The following SLIT2 variants were observed in gnomAD, a reference collection of about 807,000 sequenced individuals.
SLIT2 encodes slit homolog 2 protein.
In SLIT2, 41 loss-of-function variants were observed where a neutral mutation model predicts 185.7. The observed-to-expected ratio is 0.22, with a 90% CI of 0.17 to 0.29. The LOEUF is 0.29. Ranked by LOEUF, SLIT2 falls within the 10% of genes least tolerant of loss-of-function variation. SLIT2 has a pLI of 1.00. For synonymous variants in SLIT2, 693 were observed against 680.2 expected (o/e 1.02, Z -0.29); for missense variants, 1,571 against 1,909.0 (o/e 0.82, Z 3.30).
chr4:20,454,119 A>G (rs908249918), intron 4 of SLIT2, among the ~76,000 whole-genome samples: 4 of 152,196 alleles, frequency 2.6e-5, no homozygotes, highest in Non-Finnish European at 1.5e-5. Context: ...AAGGATAGAA[A>G]GCATTGATGG....
rs374464217 is a variant in SLIT2, at chr4:20,290,363, C to A, written c.395+21482C>A. Reference sequence around the variant, plus strand: ...AAAATAACCATTAAAAAATACAAACCAAAAACTATACAGTATAACAACAAT... The same window carrying A: ...AAAATAACCATTAAAAAATACAAACAAAAAACTATACAGTATAACAACAAT... On this transcript the variant is annotated intron_variant, in intron 4 of 36. Coordinates refer to ENST00000504154, the MANE Select transcript of SLIT2 (RefSeq NM_004787.4). Among the ~76,000 whole-genome samples, 286 of 151,990 alleles carry A rather than the reference C, an allele frequency of 1.9e-3. 1 individual carries two copies. The highest frequency in any genetic ancestry group is 5.6e-3 in the African/African-American group (232 of 41,468).
intron 4 of SLIT2, among the ~76,000 whole-genome samples, chr4:20,427,615 G>C (rs541629679): frequency 6.6e-6 from 1 of 151,778 alleles, no homozygotes; most frequent in South Asian, 2.1e-4. Context: ...CAACATTGCT[G>C]GTGTCTTTGA....
rs747233802 is a variant in SLIT2 at position 20,524,067 on chromosome 4, A to G, written c.1328A>G (p.Asp443Gly). 2 of 1,614,140 alleles carry G rather than the reference A, an allele frequency of 1.2e-6. No homozygotes were observed. The highest frequency in any genetic ancestry group is 1.7e-6 in the Non-Finnish European group (2 of 1,180,014). Reference protein sequence around the residue: ...ICDCHLKWLADYLHTNPIETS... With the variant: ...ICDCHLKWLAGYLHTNPIETS... ...GACTGCCATCTCAAGTGGCTAGCGG[A>G]TTATCTCCATACCAACCCGATTGAG... is the stretch of plus-strand genomic sequence containing the variant. The change falls in exon 14 of 37, where the codon GAT (aspartate) becomes GGT (glycine). Residue 443 changes from aspartate to glycine, a missense_variant. Physicochemically the swap from Asp to Gly is moderately conservative, Grantham distance 94. Transcript: ENST00000504154.
intron 4 of SLIT2, among the ~76,000 whole-genome samples, chr4:20,402,231 G>C (rs1020128200): frequency 7.9e-5 from 12 of 151,810 alleles, no homozygotes; most frequent in African/African-American, 2.7e-4. Context: ...GACTCAAAAG[G>C]CTCCTAAGTC....
intron 30 of SLIT2, among the ~76,000 whole-genome samples, chr4:20,590,384 A>T (rs1174419288): frequency 3.9e-5 from 6 of 152,146 alleles, no homozygotes. Flanking sequence ...GTCTGAAGGT[A>T]AGTCTGTGGT....
At chr4:20,508,077 A>G (rs1398097424) in intron 9 of SLIT2, among the ~76,000 whole-genome samples, 3 of 151,722 alleles carry the variant, frequency 2.0e-5, no homozygotes, top group Non-Finnish European at 2.9e-5. Flanking sequence ...AGAGCTTTTG[A>G]AAAAAAACTC....
intron 1 of SLIT2, chr4:20,255,046 C>T (rs931488206): frequency 2.2e-6 from 1 of 456,290 alleles, no homozygotes; most frequent in Non-Finnish European, 4.4e-6. Context: ...ACGCCGAGGC[C>T]GCCGCCCCGC....
chr4:20,259,583 A>G (rs893391643), intron 3 of SLIT2, among the ~76,000 whole-genome samples: 2 of 151,788 alleles, frequency 1.3e-5, no homozygotes, highest in Non-Finnish European at 3.0e-5. Context: ...AAGTCACTTC[A>G]GAGTGTTGTC....
At chr4:20,463,489 A>ATGTGTG (rs1207095170) in intron 4 of SLIT2, among the ~76,000 whole-genome samples, 1 of 100,020 alleles carries the variant, frequency 1.0e-5, no homozygotes, top group Admixed American at 1.1e-4. Flanking sequence ...ATATATATAT[A>ATGTGTG]TATGTGTGTG....
At chr4:20,377,618 T>C (rs1010072947) in intron 4 of SLIT2, among the ~76,000 whole-genome samples, 3 of 152,044 alleles carry the variant, frequency 2.0e-5, no homozygotes, top group African/African-American at 7.2e-5. Context: ...GGCTTCTATA[T>C]CCTCCCACAG....
intron 4 of SLIT2, among the ~76,000 whole-genome samples, chr4:20,291,480 ATATATATATATATTTTTTTTT>A (rs1715872248): frequency 7.1e-5 from 1 of 14,046 alleles, no homozygotes; most frequent in African/African-American, 3.0e-4. Flanking sequence ...ATATATATAT[ATATATATATATATTTTTTTTT>A]TTTTTTTTTT....
intron 4 of SLIT2, among the ~76,000 whole-genome samples, chr4:20,439,341 A>T (rs537143698): frequency 6.6e-6 from 1 of 152,304 alleles, no homozygotes; most frequent in South Asian, 2.1e-4. Context: ...CTGAAGTCCA[A>T]GATCAAGGTG....
At chr4:20,305,388 A>G (rs950501215) in intron 4 of SLIT2, among the ~76,000 whole-genome samples, 3 of 152,228 alleles carry the variant, frequency 2.0e-5, no homozygotes, top group African/African-American at 7.2e-5. Flanking sequence ...TTAATGAACA[A>G]ATTTCTGTAA....
At chr4:20,463,511 A>ATG (rs1713997010) in intron 4 of SLIT2, among the ~76,000 whole-genome samples, 2 of 84,196 alleles carry the variant, frequency 2.4e-5, no homozygotes, top group African/African-American at 8.7e-5. Flanking sequence ...GCGTATATCC[A>ATG]TATATGTGTG....
intron 4 of SLIT2, among the ~76,000 whole-genome samples, chr4:20,343,120 A>G (rs904093260): frequency 2.0e-5 from 3 of 152,022 alleles, no homozygotes; most frequent in South Asian, 2.1e-4. Flanking sequence ...GTTGTTAGCT[A>G]CTAACACTTA....
intron 4 of SLIT2, among the ~76,000 whole-genome samples, chr4:20,319,494 C>G (rs1348603708): frequency 1.3e-5 from 2 of 151,902 alleles, no homozygotes; most frequent in Non-Finnish European, 2.9e-5. Flanking sequence ...ATGGATGCAT[C>G]ATATTGATTT....
intron 4 of SLIT2, among the ~76,000 whole-genome samples, chr4:20,300,376 C>T (rs991995100): frequency 6.6e-6 from 1 of 151,968 alleles, no homozygotes; most frequent in African/African-American, 2.4e-5. Context: ...TCTAAGATTA[C>T]AAAAACATTC....
intron 9 of SLIT2, among the ~76,000 whole-genome samples, chr4:20,507,684 T>C (rs1465994471): frequency 6.6e-6 from 1 of 151,730 alleles, no homozygotes; most frequent in Non-Finnish European, 1.5e-5. Context: ...TAATGATTAT[T>C]GGTTTCTTTA....
chr4:20,383,405 TG>T (rs1724686204), intron 4 of SLIT2, among the ~76,000 whole-genome samples: 3 of 152,116 alleles, frequency 2.0e-5, no homozygotes, highest in African/African-American at 7.2e-5. Flanking sequence ...AATAAACCAG[TG>T]GGCAAAATAT....
Sources: gnomAD v4.1 joint callset for allele counts (sites outside exome capture counted in the v4.1 genomes callset) on GRCh38, gnomAD v4.1.1 for gene constraint, MANE v1.5 for transcripts, NCBI Gene and HGNC (gene_info 2026-07-23, HGNC 2026-07-21) for gene names.